The following ZNF587 variants were observed in gnomAD, a reference collection of about 807,000 sequenced individuals.
ZNF587 encodes zinc finger protein 587, also known as zinc finger protein zfp6.
A neutral mutation model predicts 7.5 loss-of-function variants in ZNF587; 8 were observed. The ratio of observed to expected loss-of-function variants is 1.06; its 90% confidence interval spans 0.62 to 1.92. ZNF587 has a LOEUF of 1.92. ZNF587 is among the 40% of genes most tolerant of loss of function. ZNF587 has a pLI of 0.00. For missense variants in ZNF587, 468 were observed against 692.8 expected (o/e 0.68, Z 3.64); for synonymous variants, 145 against 237.8 (o/e 0.61, Z 3.59).
chr19:57,856,929 T>C (rs1188111471), intron 2 of ZNF587: 1 of 151,974 alleles, frequency 6.6e-6, no homozygotes, highest in Non-Finnish European at 1.5e-5. Flanking sequence ...AAGAATTGCC[T>C]TCATTGACAT....
Position 57,859,299 on chromosome 19 carries a change from A to G in ZNF587, c.887A>G (p.Tyr296Cys), listed in dbSNP as rs371747483. 230 of 1,565,856 alleles carry G rather than the reference A, an allele frequency of 1.5e-4. 23 individuals are homozygous for G. In the East Asian group the frequency reaches 4.0e-3, roughly 27 times the overall value. Reference sequence around the variant, plus strand: ...CGAGTCCACACTGGACAGACAGCTTATCCCTGTGAGGAGTGCGGGAAATCT... The same window carrying G: ...CGAGTCCACACTGGACAGACAGCTTGTCCCTGTGAGGAGTGCGGGAAATCT... ...HQRVHTGQTA[Y>C]PCEECGKSFS... is the part of the protein sequence containing the mutation. The change falls in exon 3 of 3, where the codon TAT (tyrosine) becomes TGT (cysteine). Residue 296 changes from tyrosine to cysteine, a missense_variant. By Grantham distance (194) the Tyr-to-Cys change is radical. Around this residue, in one of 5 missense-constraint regions of ZNF587, gnomAD observed 20 missense variants for 44.9 expected, o/e 0.45. Transcript: ENST00000339656.
chr19:57,854,279 A>G (rs1015483523), intron 1 of ZNF587, among the ~76,000 whole-genome samples: 14 of 152,058 alleles, frequency 9.2e-5, no homozygotes, highest in Admixed American at 2.0e-4. Context: ...CACAAAAGTG[A>G]AATAGGGCCA....
At position 57,850,640 on chromosome 19, in the gene ZNF587, C is replaced by G. The variant is rs1434350172; in HGVS notation, c.33+569C>G. On this transcript the variant is annotated intron_variant, in intron 1 of 2. Transcript: ENST00000339656. ...CACCCAGCAGATACCCCGAGTCCTG[C>G]GGAGACAAAGGAGTTAGAAAGAGAC... The G allele has an allele frequency of 1.0e-5, 4 of 399,218 alleles. No individual in the cohort carries two copies. The East Asian group carries it at 1.1e-4, about 11-fold the overall frequency. The allele number at this position is 399,218 out of a possible 1,614,324, so 24.7% of individuals were successfully genotyped here. A position where few individuals can be genotyped will look rare whatever the true frequency, so the allele number is the denominator to read the frequency against.
In ZNF587 at chr19:57,859,841, C is replaced by A. The variant is rs748389000; in HGVS notation, c.1429C>A (p.His477Asn). ...EVCGKLFGNK[H>N]SVTIHQRIHT... The stretch of plus-strand genomic sequence containing the variant: ...ATGTGGGAAATTATTTGGCAATAAG[C>A]ACAGCGTGACTATACATCAGAGGAT... Residue 477 changes from histidine (H) to asparagine (N), a missense_variant, in exon 3 of 3, where the codon CAC becomes AAC. By Grantham distance (68) the His-to-Asn change is moderately conservative (BLOSUM62 1). Coordinates refer to ENST00000339656, the MANE Select transcript of ZNF587 (RefSeq NM_032828.4). 2.4e-5 allele frequency: 39 copies of A among 1,613,636 alleles called. No homozygotes were observed. The highest frequency in any genetic ancestry group is 1.7e-4 in the African/African-American group (13 of 74,822).
At chr19:57,856,729 G>C (rs1431320629) in intron 2 of ZNF587, among the ~76,000 whole-genome samples, 3 of 152,008 alleles carry the variant, frequency 2.0e-5, no homozygotes, top group Non-Finnish European at 2.9e-5. Flanking sequence ...TCCTTAAGCA[G>C]CTCCAACACC....
At chr19:57,855,705 G>A (rs1397442833) in intron 1 of ZNF587, among the ~76,000 whole-genome samples, 1 of 151,926 alleles carries the variant, frequency 6.6e-6, no homozygotes, top group South Asian at 2.1e-4. Context: ...GGGACTACAG[G>A]TGCCCACCAC....
chr19:57,850,704 C>T lies in ZNF587; in HGVS notation c.33+633C>T. On this transcript the variant is annotated intron_variant, in intron 1 of 2. Transcript: ENST00000339656. ...AAAAGGCGGGTCCAGGTGGCCAGAGCATTGGAGGCTTCCTGGCGGCCCAGA... is the reference window on the plus strand; with the variant it reads ...AAAAGGCGGGTCCAGGTGGCCAGAGTATTGGAGGCTTCCTGGCGGCCCAGA... The T allele has an allele frequency of 1.0e-5, 4 of 397,000 alleles. No homozygotes were observed. The East Asian group carries it at 1.4e-4, about 14-fold the overall frequency. The allele number at this position is 397,000 out of a possible 1,614,324, so 24.6% of individuals were successfully genotyped here.
At position 57,856,273 on chromosome 19, in the gene ZNF587, T is replaced by C. The variant is rs201084462; in HGVS notation, c.163+40T>C. The C allele has an allele frequency of 1.4e-4, 221 of 1,536,148 alleles. 1 individual carries two copies. In the African/African-American group the frequency reaches 2.8e-3, roughly 20 times the overall value. On this transcript the variant is annotated intron_variant, in intron 2 of 2. Coordinates refer to ENST00000339656, the MANE Select transcript of ZNF587 (RefSeq NM_032828.4). ...CTCACCTTTGTGACCTGAGCTAGTG[T>C]TACTGTTCCCCTGTTTTTCATTGAC... is the stretch of plus-strand genomic sequence containing the variant.
At chr19:57,853,111 C>G (rs1304990067) in intron 1 of ZNF587, among the ~76,000 whole-genome samples, 1 of 152,174 alleles carries the variant, frequency 6.6e-6, no homozygotes, top group Non-Finnish European at 1.5e-5. Flanking sequence ...CCTCTGCCTC[C>G]CCAAGTGCTG....
chr19:57,861,422 C>T lies in ZNF587; in HGVS notation c.*1282C>T, dbSNP rs773856479. 1.1e-4 allele frequency: 17 copies of T among 152,350 alleles called. No individual in the cohort carries two copies. Among genetic ancestry groups the T allele is most frequent in the South Asian group, 2.1e-4 (1 of 4,828 alleles). 9.4% of individuals were successfully genotyped at this position (152,350 alleles called of 1,614,324 possible). A position where few individuals can be genotyped will look rare whatever the true frequency, so the allele number is the denominator to read the frequency against. ...CTCAGCTCATTGCAACCTCTGCTTC[C>T]TGGGCTCAAGCACTCTGCCCACCTC... On this transcript the variant is annotated 3_prime_UTR_variant, in exon 3 of 3. Coordinates refer to ENST00000339656, the MANE Select transcript of ZNF587 (RefSeq NM_032828.4).
rs1455734078 is a variant in ZNF587, at chr19:57,849,972, C to T, written c.-67C>T. On this transcript the variant is annotated 5_prime_UTR_variant, in exon 1 of 3. Transcript: ENST00000339656. ...GTGGAGAGGAATCGTCCTCGGTGCC[C>T]AGAGGCGGCTCTGCAGCCCCGTGAC... 1.2e-6 allele frequency: 2 copies of T among 1,613,558 alleles called. No individual in the cohort carries two copies. The highest frequency in any genetic ancestry group is 1.7e-6 in the Non-Finnish European group (2 of 1,179,928).
rs544590780 is a variant in ZNF587, at chr19:57,864,462, T to C, written c.*4322T>C. On this transcript the variant is annotated 3_prime_UTR_variant, in exon 3 of 3. Coordinates refer to ENST00000339656, the MANE Select transcript of ZNF587 (RefSeq NM_032828.4). ...CTAGAAATCCTATGATAGCATGATG[T>C]ATAGGCACCTAAAGGCATGGCACTT... 6.6e-6 allele frequency: 1 copy of C among 152,136 alleles called. No individual in the cohort carries two copies. The highest frequency in any genetic ancestry group is 2.1e-4 in the South Asian group (1 of 4,818). 9.4% of individuals were successfully genotyped at this position (152,136 alleles called of 1,614,324 possible). A position where few individuals can be genotyped will look rare whatever the true frequency, so the allele number is the denominator to read the frequency against.
intron 1 of ZNF587, 98 bp from the exon 2 acceptor site, chr19:57,856,006 C>T (rs2071350569): frequency 6.4e-7 from 1 of 1,559,564 alleles, no homozygotes; most frequent in Non-Finnish European, 8.7e-7. Flanking sequence ...GTGTTGGGGA[C>T]CTTGGGAGGA....
chr19:57,850,650 G>C, intron 1 of ZNF587: 1 of 399,294 alleles, frequency 2.5e-6, no homozygotes, highest in East Asian at 3.6e-5. Flanking sequence ...CGGAGACAAA[G>C]GAGTTAGAAA....
rs964594705 is a variant in ZNF587, at chr19:57,865,102, CTT to C, written c.*4968_*4969del. 2.0e-5 allele frequency: 3 copies of C among 152,066 alleles called. No homozygotes were observed. Among genetic ancestry groups the C allele is most frequent in the African/African-American group, 2.4e-5 (1 of 41,410 alleles). 9.4% of individuals were successfully genotyped at this position (152,066 alleles called of 1,614,324 possible). A position where few individuals can be genotyped will look rare whatever the true frequency, so the allele number is the denominator to read the frequency against. On this transcript the variant is annotated 3_prime_UTR_variant, in exon 3 of 3. Transcript: ENST00000339656. Reference sequence around the variant, plus strand: ...GTATGTGAATTAAATATATGTCAAACTTTTTTTGTACAAAAGATTCATACCTC... The same window carrying C: ...GTATGTGAATTAAATATATGTCAAACTTTTTGTACAAAAGATTCATACCTC...
chr19:57,862,948 T>C lies in ZNF587; in HGVS notation c.*2808T>C, dbSNP rs141589282. The C allele has an allele frequency of 6.4e-4, 100 of 155,046 alleles. 1 individual carries two copies. Among genetic ancestry groups the C allele is most frequent in the Middle Eastern group, 3.2e-3 (6 of 1,900 alleles). 9.6% of individuals were successfully genotyped at this position (155,046 alleles called of 1,614,324 possible). On this transcript the variant is annotated 3_prime_UTR_variant, in exon 3 of 3. Coordinates refer to ENST00000339656, the MANE Select transcript of ZNF587 (RefSeq NM_032828.4). ...ATGAAGACAGTTTCAAGCAAAGTTA[T>C]TGAGTGGACACTTTGTGTTTTTTTT...
In ZNF587 at chr19:57,849,901, G is replaced by C. The variant is rs769811775; in HGVS notation, c.-138G>C. 7.4e-5 allele frequency: 115 copies of C among 1,548,852 alleles called. No homozygotes were observed. Among genetic ancestry groups the C allele is most frequent in the Non-Finnish European group, 9.4e-5 (108 of 1,147,564 alleles). ...GGCGATGCGGGTGTTTCCCCAGTTT[G>C]TGGCCCCTGAGTGCTGGGTGGGACC... On this transcript the variant is annotated 5_prime_UTR_variant, in exon 1 of 3. Transcript: ENST00000339656.
intron 1 of ZNF587, among the ~76,000 whole-genome samples, chr19:57,854,442 T>C (rs1335968182): frequency 2.0e-5 from 3 of 152,110 alleles, no homozygotes; most frequent in Non-Finnish European, 4.4e-5. Flanking sequence ...ATAGTCTGGA[T>C]GCTTATCCAC....
chr19:57,859,827 T>C lies in ZNF587; in HGVS notation c.1415T>C (p.Leu472Ser), dbSNP rs753985125. ...TATGCGTGTGAGGTATGTGGGAAAT[T>C]ATTTGGCAATAAGCACAGCGTGACT... ...RPYACEVCGK[L>S]FGNKHSVTIH... The change falls in exon 3 of 3, where the codon TTA (leucine) becomes TCA (serine). Residue 472 changes from leucine (L) to serine (S), a missense_variant. By Grantham distance (145) the Leu-to-Ser change is moderately radical (BLOSUM62 -2). This residue lies in a region of ZNF587 where 310 missense variants were observed against 325.6 expected (regional missense o/e 0.95). Coordinates refer to ENST00000339656, the MANE Select transcript of ZNF587 (RefSeq NM_032828.4). 1.2e-6 allele frequency: 2 copies of C among 1,613,648 alleles called. No individual in the cohort carries two copies. The highest frequency in any genetic ancestry group is 8.5e-7 in the Non-Finnish European group (1 of 1,179,934).
Sources: allele counts gnomAD v4.1 joint callset (sites outside exome capture counted in the v4.1 genomes callset), GRCh38; gene constraint gnomAD v4.1.1; regional missense constraint gnomAD v4.1.1; transcripts MANE v1.5; gene names NCBI Gene and HGNC (gene_info 2026-07-23, HGNC 2026-07-21).